PIEZO1: variants seen among roughly 807,000 people sequenced by gnomAD.
PIEZO1 encodes piezo-type mechanosensitive ion channel component 1.
PIEZO1 carries 296 observed loss-of-function variants against 297.2 expected under a neutral mutation model. That is an observed-to-expected ratio of 1.00 (90% CI 0.91 to 1.10). The LOEUF (loss-of-function observed/expected upper bound fraction) is 1.10. Among genes scored for constraint, PIEZO1 ranks in the 50% least tolerant of loss-of-function variants. The probability of loss-of-function intolerance (pLI) is 0.00; values close to 1 mark genes in which losing one functional copy is unlikely to be tolerated. For missense variants in PIEZO1, 5,018 were observed against 3,455.5 expected, an observed-to-expected ratio of 1.45 and a Z score of -11.34; for synonymous variants, 2,427 against 1,507.5, an observed-to-expected ratio of 1.61 and a Z score of -14.13.
Position 88,733,269 on chromosome 16 carries a change from G to A in PIEZO1, c.2664+9C>T. On this transcript the variant is annotated intron_variant, in intron 19 of 50. Coordinates refer to ENST00000301015, the MANE Select transcript of PIEZO1 (RefSeq NM_001142864.4). ...GCTTCCTCCCGTCCCAGCCCTCGGGGGCCGGTACCTCGGTGCAGTTGCTGG... is the reference window on the plus strand; with the variant it reads ...GCTTCCTCCCGTCCCAGCCCTCGGGAGCCGGTACCTCGGTGCAGTTGCTGG... 5 of 1,536,786 alleles carry A rather than the reference G, an allele frequency of 3.3e-6. No individual in the cohort carries two copies. Among genetic ancestry groups the A allele is most frequent in the Non-Finnish European group, 4.4e-6 (5 of 1,135,740 alleles).
At chr16:88,734,583 C>G (rs531780121) in intron 15 of PIEZO1, 45 bp from the exon 16 acceptor site, 13 of 1,545,896 alleles carry the variant, frequency 8.4e-6, no homozygotes, top group Non-Finnish European at 1.0e-5. Flanking sequence ...CCGGCAGAGC[C>G]GCTGCAGCCC....
intron 27 of PIEZO1, 158 bp from the exon 28 acceptor site, chr16:88,725,842 C>T: frequency 1.6e-6 from 1 of 617,368 alleles, no homozygotes; most frequent in Non-Finnish European, 2.9e-6. Context: ...TGCCCCCACC[C>T]TCCGTGCTGT....
At chr16:88,763,388 G>A (rs981909327) in intron 1 of PIEZO1, among the ~76,000 whole-genome samples, 1 of 152,204 alleles carries the variant, frequency 6.6e-6, no homozygotes, top group African/African-American at 2.4e-5. Flanking sequence ...CATCTAGAAA[G>A]TAGCAGTGGG....
intron 19 of PIEZO1, 40 bp from the exon 20 acceptor site, chr16:88,732,772 C>G: frequency 6.6e-7 from 1 of 1,508,104 alleles, no homozygotes; most frequent in Non-Finnish European, 8.9e-7. Flanking sequence ...TCCCAGGCCA[C>G]AGTGCCCCCT....
rs1255471545 is a variant in PIEZO1, at chr16:88,716,744, G to C, written c.6754-13C>G. On this transcript the variant is annotated splice_polypyrimidine_tract_variant and intron_variant, in intron 46 of 50. Coordinates refer to ENST00000301015, the MANE Select transcript of PIEZO1 (RefSeq NM_001142864.4). Reference sequence around the variant, plus strand: ...ACTGCATGGCCAGCTGGGTACAAGTGACACCCTCAGTGACTGCAGCCGCCT... The same window carrying C: ...ACTGCATGGCCAGCTGGGTACAAGTCACACCCTCAGTGACTGCAGCCGCCT... 4.5e-6 allele frequency: 7 copies of C among 1,548,186 alleles called. No individual in the cohort carries two copies. Among genetic ancestry groups the C allele is most frequent in the Non-Finnish European group, 6.1e-6 (7 of 1,146,846 alleles).
chr16:88,746,329 G>A (rs923131234), intron 2 of PIEZO1, among the ~76,000 whole-genome samples: 1 of 152,162 alleles, frequency 6.6e-6, no homozygotes, highest in Non-Finnish European at 1.5e-5. Context: ...GGTCAGTCTT[G>A]GAGGTGGGTT....
intron 1 of PIEZO1, among the ~76,000 whole-genome samples, chr16:88,777,740 C>G (rs1430323528): frequency 2.0e-5 from 3 of 152,222 alleles, no homozygotes; most frequent in African/African-American, 7.2e-5. Context: ...AGTGGGGGTC[C>G]CAGGCGACAG....
At chr16:88,782,608 G>A (rs1907985371) in intron 1 of PIEZO1, among the ~76,000 whole-genome samples, 1 of 152,192 alleles carries the variant, frequency 6.6e-6, no homozygotes, top group African/African-American at 2.4e-5. Context: ...CCCTCACCAG[G>A]CACTGTCTGA....
chr16:88,721,016 C>G (rs1912398252), intron 39 of PIEZO1, 150 bp downstream of exon 39: 1 of 863,116 alleles, frequency 1.2e-6, no homozygotes, highest in African/African-American at 1.7e-5. Flanking sequence ...GTAGGCAGAG[C>G]CGGGAGCTGT....
intron 1 of PIEZO1, among the ~76,000 whole-genome samples, chr16:88,755,809 G>A (rs563504602): frequency 7.9e-5 from 12 of 152,336 alleles, no homozygotes; most frequent in South Asian, 2.1e-4. Flanking sequence ...AGCCTCGGGC[G>A]GTGGACAGGT....
chr16:88,746,675 G>A (rs542677228), intron 2 of PIEZO1, among the ~76,000 whole-genome samples: 30 of 152,204 alleles, frequency 2.0e-4, no homozygotes, highest in Non-Finnish European at 1.2e-4. Flanking sequence ...GGAAAACTGG[G>A]CAGCATCTCC....
chr16:88,764,871 C>A (rs1907101216), intron 1 of PIEZO1, among the ~76,000 whole-genome samples: 1 of 152,220 alleles, frequency 6.6e-6, no homozygotes, highest in South Asian at 2.1e-4. Context: ...GGGGCAGACA[C>A]TGGCGACCAC....
Position 88,720,248 on chromosome 16 carries a change from T to G in PIEZO1, c.5985A>C (p.Leu1995=), listed in dbSNP as rs1363765692. Residue 1995 remains leucine, a synonymous_variant, in exon 42 of 51, where the codon CTA becomes CTC. Coordinates refer to ENST00000301015, the MANE Select transcript of PIEZO1 (RefSeq NM_001142864.4). ...AAGCCTCGGGTACCTGGTCGTCTGA[T>G]AGGGAGGACGTGATGTCTGTGGCCG... ...HSAATDITSS[L]SDDQVPEAFL... 1.6e-5 allele frequency: 25 copies of G among 1,550,286 alleles called. No individual in the cohort carries two copies. Among genetic ancestry groups the G allele is most frequent in the Non-Finnish European group, 2.2e-5 (25 of 1,146,952 alleles).
At chr16:88,737,417 G>A (rs1347102571) in intron 10 of PIEZO1, 142 bp downstream of exon 10, 11 of 601,424 alleles carry the variant, frequency 1.8e-5, no homozygotes, top group Admixed American at 6.3e-5. Flanking sequence ...ACACCGACCC[G>A]TGGATGTCCT....
chr16:88,732,249 A>G, intron 21 of PIEZO1, 86 bp downstream of exon 21: 3 of 1,216,862 alleles, frequency 2.5e-6, no homozygotes, highest in Admixed American at 4.1e-5. Context: ...AGGTGGGGCC[A>G]GGCTTGCGGT....
Position 88,735,168 on chromosome 16 carries a change from C to T in PIEZO1, c.1636G>A (p.Ala546Thr), listed in dbSNP as rs768341037. 6.4e-7 allele frequency: 1 copy of T among 1,550,396 alleles called. No homozygotes were observed. Among genetic ancestry groups the T allele is most frequent in the East Asian group, 2.4e-5 (1 of 40,926 alleles). Residue 546 changes from alanine (A) to threonine (T), a missense_variant, in exon 13 of 51, where the codon GCT becomes ACT. Transcript: ENST00000301015. ...GCCACGGTGACCTCCGTCAGCGCAG[C>T]TGGAGACTCTGCCCACTTCAGCAGC... ...EKLLKWAESP[A>T]ALTEVTVADT...
chr16:88,739,343 C>G (rs1378584943), intron 5 of PIEZO1: 2 of 152,528 alleles, frequency 1.3e-5, no homozygotes, highest in East Asian at 1.9e-4. Flanking sequence ...CTGGACCTGA[C>G]TAAAGATTTC....
chr16:88,732,997 CTG>C (rs1046486024), intron 19 of PIEZO1: 62 of 579,840 alleles, frequency 1.1e-4, no homozygotes, highest in Non-Finnish European at 1.6e-4. Context: ...AGATGCCTGA[CTG>C]TCTCTCCCTG....
At chr16:88,765,584 A>C (rs1264155383) in intron 1 of PIEZO1, among the ~76,000 whole-genome samples, 1 of 151,222 alleles carries the variant, frequency 6.6e-6, no homozygotes, top group East Asian at 1.9e-4. Context: ...CCAGGTGAGC[A>C]CCTCGTATAG....
Sources: gnomAD v4.1 joint callset for allele counts (sites outside exome capture counted in the v4.1 genomes callset) on GRCh38, gnomAD v4.1.1 for gene constraint, MANE v1.5 for transcripts, NCBI Gene and HGNC (gene_info 2026-07-23, HGNC 2026-07-21) for gene names.